The following CDH22 variants were observed in gnomAD, a reference collection of about 807,000 sequenced individuals.
CDH22 encodes the protein cadherin 22.
CDH22 carries 30 observed loss-of-function variants against 58.4 expected under a neutral mutation model. The observed-to-expected ratio is 0.51, with a 90% CI of 0.38 to 0.70. The LOEUF is 0.70. Among genes scored for constraint, CDH22 ranks in the 30% least tolerant of loss-of-function variants. CDH22 has a pLI of 0.00. For missense variants in CDH22, 1,014 were observed against 1,233.9 expected (o/e 0.82, Z 2.67); for synonymous variants, 513 against 558.2 (o/e 0.92, Z 1.14).
intron 1 of CDH22, among the ~76,000 whole-genome samples, chr20:46,306,387 C>A (rs1178829881): frequency 6.6e-6 from 1 of 152,238 alleles, no homozygotes; most frequent in Non-Finnish European, 1.5e-5. Flanking sequence ...ATGTGCTGCT[C>A]ACAGTTAGGA....
chr20:46,303,024 G>A (rs1193056239), intron 1 of CDH22, among the ~76,000 whole-genome samples: 2 of 152,052 alleles, frequency 1.3e-5, no homozygotes, highest in East Asian at 1.9e-4. Flanking sequence ...TTCTAATGGC[G>A]AATCTCCACG....
intron 8 of CDH22, among the ~76,000 whole-genome samples, chr20:46,187,175 CT>C (rs2085832745): frequency 6.6e-6 from 1 of 152,050 alleles, no homozygotes; most frequent in Admixed American, 6.6e-5. Flanking sequence ...GGCATTATCA[CT>C]ACAACGCTTG....
chr20:46,224,257 T>C (rs1261852168), intron 4 of CDH22, among the ~76,000 whole-genome samples: 2 of 152,244 alleles, frequency 1.3e-5, no homozygotes, highest in Non-Finnish European at 2.9e-5. Context: ...CTATATTCTC[T>C]ACTTCAATAA....
Position 46,174,554 on chromosome 20 carries a change from G to T in CDH22, c.2439C>A (p.Ala813=), listed in dbSNP as rs79797488. ...SSWGPRFRPL[A]ALYAGHRGDD... is the part of the protein sequence containing the mutation. ...CCCCGCGGTGGCCGGCGTAGAGCGC[G>T]GCCAGGGGCCGGAAGCGCGGACCCC... The change falls in exon 12 of 12, where the codon GCC becomes GCA. Residue 813 remains alanine (A), a synonymous_variant. Coordinates refer to ENST00000537909, the MANE Select transcript of CDH22 (RefSeq NM_021248.3). This position sits in a 1 kb window ranked among gnomAD's most constrained non-coding sequence, Gnocchi z 4.4. 1 of 1,525,546 alleles carries T rather than the reference G, an allele frequency of 6.6e-7. No homozygotes were observed. The highest frequency in any genetic ancestry group is 1.2e-5 in the South Asian group (1 of 82,512). 94.5% of individuals were successfully genotyped at this position (1,525,546 alleles called of 1,614,324 possible). A position where few individuals can be genotyped will look rare whatever the true frequency, so the allele number is the denominator to read the frequency against.
chr20:46,191,205 A>C (rs969162728), intron 8 of CDH22, among the ~76,000 whole-genome samples: 1 of 152,050 alleles, frequency 6.6e-6, no homozygotes, highest in Non-Finnish European at 1.5e-5. Context: ...GAAAAACATG[A>C]TATTTCTGCT....
At chr20:46,221,390 C>T (rs182750507) in intron 4 of CDH22, among the ~76,000 whole-genome samples, 7 of 151,718 alleles carry the variant, frequency 4.6e-5, no homozygotes, top group South Asian at 2.1e-4. Flanking sequence ...GAGCCTAAAC[C>T]GGAGGAGCAG....
In CDH22 at chr20:46,183,149, T is replaced by C. The variant is rs544850895; in HGVS notation, c.1663+3439A>G. Among the ~76,000 whole-genome samples the C allele has an allele frequency of 2.0e-5, 3 of 152,300 alleles. No individual in the cohort carries two copies. In the East Asian group the frequency reaches 5.8e-4, roughly 29 times the overall value. ...TGACCTGCTCAGGATACTACTGGACTAATGAATAGGCAGGGCTGTACTGGT... is the reference window on the plus strand; with the variant it reads ...TGACCTGCTCAGGATACTACTGGACCAATGAATAGGCAGGGCTGTACTGGT... On this transcript the variant is annotated intron_variant, in intron 10 of 11. Coordinates refer to ENST00000537909, the MANE Select transcript of CDH22 (RefSeq NM_021248.3).
intron 1 of CDH22, among the ~76,000 whole-genome samples, chr20:46,254,035 C>T (rs2086394200): frequency 6.6e-6 from 1 of 152,210 alleles, no homozygotes; most frequent in Non-Finnish European, 1.5e-5. Context: ...GGGTCTGCTA[C>T]AAGCAGGGAG....
chr20:46,296,829 G>A (rs996799681), intron 1 of CDH22, among the ~76,000 whole-genome samples: 4 of 152,166 alleles, frequency 2.6e-5, no homozygotes, highest in South Asian at 2.1e-4. Context: ...TCTCTAATTT[G>A]TGATTGTTTT....
chr20:46,254,405 A>G (rs2086396161), intron 1 of CDH22, among the ~76,000 whole-genome samples: 1 of 152,022 alleles, frequency 6.6e-6, no homozygotes, highest in Admixed American at 6.6e-5. Context: ...AAATACAAAA[A>G]TTAGCCAGGC....
At chr20:46,198,061 C>A (rs1038523174) in intron 8 of CDH22, among the ~76,000 whole-genome samples, 2 of 152,146 alleles carry the variant, frequency 1.3e-5, no homozygotes, top group African/African-American at 4.8e-5. Flanking sequence ...TCTGTTGATG[C>A]CTGAGACCTT....
At chr20:46,302,289 A>G (rs947232819) in intron 1 of CDH22, among the ~76,000 whole-genome samples, 1 of 151,388 alleles carries the variant, frequency 6.6e-6, no homozygotes, top group Non-Finnish European at 1.5e-5. Context: ...GGTGGGGGGG[A>G]CTGTCTTGTG....
chr20:46,185,084 T>A (rs921027544), intron 10 of CDH22, among the ~76,000 whole-genome samples: 2 of 149,134 alleles, frequency 1.3e-5, no homozygotes, highest in African/African-American at 2.5e-5. Flanking sequence ...AGATGCTGTC[T>A]CAAACAAACA....
At chr20:46,221,351 T>C (rs2086124346) in intron 4 of CDH22, among the ~76,000 whole-genome samples, 3 of 150,692 alleles carry the variant, frequency 2.0e-5, no homozygotes, top group Admixed American at 2.0e-4. Flanking sequence ...ATTCCTCTGC[T>C]GATTTTGTCT....
At chr20:46,282,311 C>G (rs1054725367) in intron 1 of CDH22, among the ~76,000 whole-genome samples, 1 of 151,952 alleles carries the variant, frequency 6.6e-6, no homozygotes. Flanking sequence ...GGGAGCAGCA[C>G]TGGGGAGAAA....
In CDH22 at chr20:46,285,410, C is replaced by T. The variant is rs921674841; in HGVS notation, c.-400+22845G>A. On this transcript the variant is annotated intron_variant, in intron 1 of 11. Coordinates refer to ENST00000537909, the MANE Select transcript of CDH22 (RefSeq NM_021248.3). ...TCTCAACCAGGGGGGACCTTGCGAC[C>T]CTTGGGACATTTGCAACGTCTGGAG... Among the ~76,000 whole-genome samples, 5 of 152,132 alleles carry T rather than the reference C, an allele frequency of 3.3e-5. No individual in the cohort carries two copies. In the South Asian group the frequency reaches 1.0e-3, roughly 31 times the overall value.
intron 3 of CDH22, among the ~76,000 whole-genome samples, chr20:46,233,753 G>A (rs971802058): frequency 6.6e-6 from 1 of 152,242 alleles, no homozygotes; most frequent in Admixed American, 6.5e-5. Context: ...CTGAGGACCA[G>A]GGCCTCGGCT....
intron 4 of CDH22, 106 bp from the exon 5 acceptor site, chr20:46,217,099 A>C: frequency 8.7e-7 from 1 of 1,154,684 alleles, no homozygotes; most frequent in Non-Finnish European, 1.2e-6. Context: ...TGGGAAAATT[A>C]AGCTCAGGAG....
intron 4 of CDH22, among the ~76,000 whole-genome samples, chr20:46,224,099 C>A (rs527873362): frequency 2.0e-5 from 3 of 152,126 alleles, no homozygotes; most frequent in Non-Finnish European, 4.4e-5. Flanking sequence ...GTGATCCACC[C>A]GCTTCGGCCT....
Sources: gnomAD v4.1 joint callset for allele counts (sites outside exome capture counted in the v4.1 genomes callset) on GRCh38, gnomAD v4.1.1 for gene constraint, Gnocchi (gnomAD v3.1) non-coding constraint, MANE v1.5 for transcripts, NCBI Gene and HGNC (gene_info 2026-07-23, HGNC 2026-07-21) for gene names.